STT3A: variants seen among roughly 807,000 people sequenced by gnomAD.
STT3A encodes the protein STT3 oligosaccharyltransferase complex catalytic subunit A, also known as dolichyl-diphosphooligosaccharide--protein glycosyltransferase subunit STT3A.
Under a neutral mutation model 89.2 loss-of-function variants are expected in STT3A, and 34 were observed. The ratio of observed to expected loss-of-function variants is 0.38; its 90% CI spans 0.29 to 0.51. STT3A has a LOEUF of 0.51. Among genes scored for constraint, STT3A ranks in the 20% least tolerant of loss-of-function variants. The pLI is 0.89. For missense variants in STT3A, 555 were observed against 889.5 expected (o/e 0.62, Z 4.78); for synonymous variants, 282 against 310.3 (o/e 0.91, Z 0.96).
intron 3 of STT3A, among the ~76,000 whole-genome samples, chr11:125,601,831 T>C (rs1939691043): frequency 1.3e-5 from 2 of 151,946 alleles, no homozygotes; most frequent in Admixed American, 6.6e-5. Flanking sequence ...GATGGAGTCT[T>C]GCTCTGTTGC....
At chr11:125,598,029 T>G (rs1179966246) in intron 3 of STT3A, among the ~76,000 whole-genome samples, 1 of 152,082 alleles carries the variant, frequency 6.6e-6, no homozygotes, top group Non-Finnish European at 1.5e-5. Context: ...CTGGCCAACA[T>G]AGTAAAACCC....
Position 125,613,021 on chromosome 11 carries a change from C to T in STT3A, c.1398C>T (p.Phe466=). 1 of 1,614,162 alleles carries T rather than the reference C, an allele frequency of 6.2e-7. No individual in the cohort carries two copies. The highest frequency in any genetic ancestry group is 8.5e-7 in the Non-Finnish European group (1 of 1,180,016). The change falls in exon 13 of 18, where the codon TTC becomes TTT. Residue 466 remains phenylalanine (F), a synonymous_variant. Coordinates refer to ENST00000392708, the MANE Select transcript of STT3A (RefSeq NM_152713.5). The surrounding 1 kb of genome is among the most constrained non-coding windows in gnomAD (Gnocchi z 4.2). The part of the protein sequence containing the change: ...VASGMILVMA[F]FLITYTFHST... ...GTGGGATGATACTGGTCATGGCTTT[C>T]TTTCTCATCACCTACACCTTTCATT...
At position 125,608,264 on chromosome 11, in the gene STT3A, C is replaced by A; in HGVS notation, c.936C>A (p.Thr312=). The A allele has an allele frequency of 6.2e-7, 1 of 1,612,432 alleles. No individual in the cohort carries two copies. Among genetic ancestry groups the A allele is most frequent in the Non-Finnish European group, 8.5e-7 (1 of 1,179,510 alleles). Residue 312 remains threonine, a synonymous_variant, in exon 9 of 18, where the codon ACC becomes ACA. Transcript: ENST00000392708. ...VISLVGFVLL[T]VGALLMLTGK... ...CTCTGGTAGGCTTTGTCCTTCTCAC[C>A]GTGGGAGCTCTCCTCATGCTGACAG...
intron 10 of STT3A, 189 bp downstream of exon 10, chr11:125,609,778 T>C (rs1939948359): frequency 9.5e-6 from 5 of 527,616 alleles, no homozygotes; most frequent in African/African-American, 1.9e-5. Context: ...GTTGTAGATA[T>C]TGGCAAGTTC....
At chr11:125,606,540 A>T (rs1440052615) in intron 8 of STT3A, 75 bp downstream of exon 8, 1 of 1,478,840 alleles carries the variant, frequency 6.8e-7, no homozygotes, top group Non-Finnish European at 9.1e-7. Context: ...TTTATCTTAG[A>T]TTCTGTTAAG....
chr11:125,620,002 C>A lies in STT3A; in HGVS notation c.1964-9C>A, dbSNP rs1940301817. The A allele has an allele frequency of 1.9e-6, 3 of 1,610,886 alleles. No individual in the cohort carries two copies. In the South Asian group the frequency reaches 3.3e-5, roughly 18 times the overall value. ...AGAAAGAAGTGTGTTCTTTTTCATCCCTCTCTAGAGCGTCCTCCAGGCTTT... is the reference window on the plus strand; with the variant it reads ...AGAAAGAAGTGTGTTCTTTTTCATCACTCTCTAGAGCGTCCTCCAGGCTTT... On this transcript the variant is annotated splice_polypyrimidine_tract_variant and intron_variant, in intron 16 of 17. Transcript: ENST00000392708.
At chr11:125,594,582 C>CAGA (rs1939427130) in intron 1 of STT3A, among the ~76,000 whole-genome samples, 1 of 92,344 alleles carries the variant, frequency 1.1e-5, no homozygotes, top group Non-Finnish European at 2.0e-5. Context: ...GACTCCGTCT[C>CAGA]AAAAAAAAAA....
In STT3A at chr11:125,614,402, G is replaced by A. The variant is rs1479261913; in HGVS notation, c.1750G>A (p.Gly584Ser). Residue 584 changes from glycine (G) to serine (S), a missense_variant, in exon 15 of 18, where the codon GGC (glycine) becomes AGC (serine). Physicochemically the swap from Gly to Ser is moderately conservative, Grantham distance 56. Coordinates refer to ENST00000392708, the MANE Select transcript of STT3A (RefSeq NM_152713.5). The surrounding 1 kb of genome is among the most constrained non-coding windows in gnomAD (Gnocchi z 4.9). ...CAGCTATGTGCTGGTCATTTTTGGA[G>A]GCCTCACTGGGTATTCCTCTGATGG... Reference protein sequence around the residue: ...DVSYVLVIFGGLTGYSSDDIN... With the variant: ...DVSYVLVIFGSLTGYSSDDIN... The A allele has an allele frequency of 1.2e-6, 2 of 1,613,820 alleles. No homozygotes were observed. Among genetic ancestry groups the A allele is most frequent in the Non-Finnish European group, 1.7e-6 (2 of 1,179,892 alleles).
intron 1 of STT3A, chr11:125,593,590 T>C (rs1939385585): frequency 6.6e-6 from 1 of 152,214 alleles, no homozygotes; most frequent in Non-Finnish European, 1.5e-5. Flanking sequence ...CTCATTTTGG[T>C]GTGTGGCTCG....
chr11:125,612,873 A>G, intron 12 of STT3A, 116 bp from the exon 13 acceptor site: 1 of 1,508,238 alleles, frequency 6.6e-7, no homozygotes, highest in Non-Finnish European at 9.1e-7. Context: ...ATTAACTCAT[A>G]TAGCCTCTGA....
chr11:125,605,784 A>T, intron 7 of STT3A, 49 bp downstream of exon 7: 3 of 1,487,146 alleles, frequency 2.0e-6, no homozygotes, highest in Non-Finnish European at 2.8e-6. Context: ...TAAATACTGT[A>T]TTTCCTATGG....
intron 9 of STT3A, among the ~76,000 whole-genome samples, chr11:125,608,932 A>G (rs1212726644): frequency 1.3e-5 from 2 of 151,762 alleles, no homozygotes; most frequent in Admixed American, 1.3e-4. Flanking sequence ...GGGAGAAGTC[A>G]TTATATTGCT....
At chr11:125,592,714 A>G (rs1939342224), upstream of STT3A, 1 of 296,324 alleles carries the variant, frequency 3.4e-6, no homozygotes, top group Non-Finnish European at 6.8e-6. Context: ...ATGACCAATT[A>G]AAAACTTGAA....
intron 6 of STT3A, 101 bp from the exon 7 acceptor site, chr11:125,605,528 A>G: frequency 3.9e-6 from 3 of 767,774 alleles, no homozygotes; most frequent in East Asian, 2.7e-5. Context: ...AAATTACACT[A>G]TTACTTGGTA....
rs7931989 is a variant in STT3A at position 125,608,344 on chromosome 11, C to T, written c.961+55C>T. 0.073 allele frequency: 111,044 copies of T among 1,523,708 alleles called. 5,417 individuals are homozygous for T. Among genetic ancestry groups the T allele is most frequent in the African/African-American group, 0.25 (17,889 of 71,754 alleles). The allele number at this position is 1,523,708 out of a possible 1,614,324, so 94.4% of individuals were successfully genotyped here. On this transcript the variant is annotated intron_variant, in intron 9 of 17. Transcript: ENST00000392708. ...TTTCTTTTTTTTTAAGATGGAGTTT[C>T]GCTCTTGTTGCCCAGGCCGGAGTGC...
rs767022907 is a variant in STT3A, at chr11:125,609,442, T to G, written c.970T>G (p.Ser324Ala). Residue 324 changes from serine (S) to alanine (A), a missense_variant, in exon 10 of 18, where the codon TCT (serine) becomes GCT (alanine). Transcript: ENST00000392708. ...TGCCTCTTTGCTGCTAGGAAAAATA[T>G]CTCCCTGGACGGGGCGTTTCTACTC... Reference protein sequence around the residue: ...GALLMLTGKISPWTGRFYSLL... With the variant: ...GALLMLTGKIAPWTGRFYSLL... 6.2e-7 allele frequency: 1 copy of G among 1,601,256 alleles called. No homozygotes were observed. The highest frequency in any genetic ancestry group is 8.5e-7 in the Non-Finnish European group (1 of 1,176,042).
chr11:125,598,380 T>G (rs1260589178), intron 3 of STT3A, among the ~76,000 whole-genome samples: 1 of 152,156 alleles, frequency 6.6e-6, no homozygotes, highest in African/African-American at 2.4e-5. Context: ...TATAACAAAT[T>G]TGGAGGGCCA....
At chr11:125,605,883 A>G in intron 7 of STT3A, 148 bp downstream of exon 7, 1 of 624,350 alleles carries the variant, frequency 1.6e-6, no homozygotes, top group Non-Finnish European at 2.8e-6. Flanking sequence ...ATACTTACGT[A>G]TACATGTAGA....
chr11:125,620,197 G>T, intron 17 of STT3A, 71 bp downstream of exon 17: 2 of 1,216,770 alleles, frequency 1.6e-6, no homozygotes, highest in Non-Finnish European at 2.3e-6. Flanking sequence ...TTATAAAATG[G>T]GACATATATT....
Sources: gnomAD v4.1 joint callset for allele counts (sites outside exome capture counted in the v4.1 genomes callset) on GRCh38, gnomAD v4.1.1 for gene constraint, Gnocchi (gnomAD v3.1) non-coding constraint, MANE v1.5 for transcripts, NCBI Gene and HGNC (gene_info 2026-07-23, HGNC 2026-07-21) for gene names.